Variants in MFRP observed in about 807,000 individuals in gnomAD.
MFRP encodes the protein C1q and TNF related 5.
MFRP carries 74 observed loss-of-function variants against 65.8 expected under a neutral mutation model. That is an observed-to-expected ratio of 1.12 (90% CI 0.93 to 1.36). The LOEUF is 1.36. Among genes scored for constraint, MFRP ranks in the 40% most tolerant of loss-of-function variants. The pLI is 0.00. For missense variants in MFRP, 838 were observed against 736.0 expected, an observed-to-expected ratio of 1.14 and a Z score of -1.60; for synonymous variants, 336 against 288.3, an observed-to-expected ratio of 1.17 and a Z score of -1.68.
At position 119,342,959 on chromosome 11, in the gene MFRP, T is replaced by C. The variant is rs529813598; in HGVS notation, c.1169A>G (p.His390Arg). 13 of 1,611,450 alleles carry C rather than the reference T, an allele frequency of 8.1e-6. No individual in the cohort carries two copies. Among genetic ancestry groups the C allele is most frequent in the Non-Finnish European group, 1.1e-5 (13 of 1,179,420 alleles). Residue 390 changes from histidine (H) to arginine (R), a missense_variant, in exon 10 of 15, where the codon CAT (histidine) becomes CGT (arginine). Coordinates refer to ENST00000619721, the MANE Select transcript of MFRP (RefSeq NM_031433.4). Reference sequence around the variant, plus strand: ...TGTCCTAAACAGCACAGCCAGCTCATGGTGCGAGGAGACGAGGTGGGGGGG... The same window carrying C: ...TGTCCTAAACAGCACAGCCAGCTCACGGTGCGAGGAGACGAGGTGGGGGGG... ...EPPPHLVSSH[H>R]ELAVLFRTDH...
chr11:119,341,375 GAGGGTGGT>G lies in MFRP; in HGVS notation c.*165_*172del. ...CGGTAAAGGGACAGGAAGGAGCAGG[GAGGGTGGT>G]AGGGTCCCATGAGCCCCAGCTGAGG... is the stretch of plus-strand genomic sequence containing the variant. On this transcript the variant is annotated 3_prime_UTR_variant, in exon 13 of 15. Coordinates refer to ENST00000619721, the MANE Select transcript of MFRP (RefSeq NM_031433.4). The G allele has an allele frequency of 1.6e-6, 1 of 615,986 alleles. No individual in the cohort carries two copies. The allele number at this position is 615,986 out of a possible 1,614,324, so 38.2% of individuals were successfully genotyped here. A position where few individuals can be genotyped will look rare whatever the true frequency, so the allele number is the denominator to read the frequency against.
In MFRP at chr11:119,339,223, C is replaced by T. The variant is rs1950470134; in HGVS notation, c.*1736G>A. On this transcript the variant is annotated 3_prime_UTR_variant, in exon 15 of 15. Transcript: ENST00000619721. This position sits in a 1 kb window ranked among gnomAD's most constrained non-coding sequence, Gnocchi z 5.4. Reference sequence around the variant, plus strand: ...ACGGAGAGTGCTCTACCCCACCTCCCTAGTCATTCACAATATTCCAGGGGG... The same window carrying T: ...ACGGAGAGTGCTCTACCCCACCTCCTTAGTCATTCACAATATTCCAGGGGG... 2.3e-6 allele frequency: 3 copies of T among 1,285,446 alleles called. No homozygotes were observed. Among genetic ancestry groups the T allele is most frequent in the Non-Finnish European group, 3.2e-6 (3 of 926,446 alleles). The allele number at this position is 1,285,446 out of a possible 1,614,324, so 79.6% of individuals were successfully genotyped here. A position where few individuals can be genotyped will look rare whatever the true frequency, so the allele number is the denominator to read the frequency against.
At position 119,346,148 on chromosome 11, in the gene MFRP, G is replaced by A. The variant is rs1422497202; in HGVS notation, c.169C>T (p.Arg57Ter). Residue 57 changes from arginine to a stop codon, truncating the protein, a stop_gained, in exon 3 of 15, where the codon CGA becomes TGA. Coordinates refer to ENST00000619721, the MANE Select transcript of MFRP (RefSeq NM_031433.4). LOFTEE classifies it high-confidence loss of function. ...VPAPWHGRRP[R>*]GLRPDCRFSW... ...AAGCGGCAGTCTGGCCGTAGCCCTC[G>A]AGGACGCCGACCTGCGGGTTGGCAG... 32 of 1,593,618 alleles carry A rather than the reference G, an allele frequency of 2.0e-5. No homozygotes were observed. The highest frequency in any genetic ancestry group is 2.6e-5 in the Non-Finnish European group (30 of 1,169,852).
chr11:119,342,953 A>T lies in MFRP; in HGVS notation c.1175T>A (p.Leu392Gln). 1 of 1,612,148 alleles carries T rather than the reference A, an allele frequency of 6.2e-7. No individual in the cohort carries two copies. The highest frequency in any genetic ancestry group is 8.5e-7 in the Non-Finnish European group (1 of 1,179,636). Residue 392 changes from leucine to glutamine, a missense_variant, in exon 10 of 15, where the codon CTG (leucine) becomes CAG (glutamine). Physicochemically the swap from Leu to Gln is moderately radical, Grantham distance 113. Transcript: ENST00000619721. ...PPHLVSSHHE[L>Q]AVLFRTDHGI... ...ATGATCTGTCCTAAACAGCACAGCC[A>T]GCTCATGGTGCGAGGAGACGAGGTG... is the stretch of plus-strand genomic sequence containing the variant.
At position 119,346,517 on chromosome 11, in the gene MFRP, A is replaced by C; in HGVS notation, c.-4T>G. On this transcript the variant is annotated 5_prime_UTR_variant, in exon 1 of 15. Coordinates refer to ENST00000619721, the MANE Select transcript of MFRP (RefSeq NM_031433.4). The stretch of plus-strand genomic sequence containing the variant: ...TGACATCTGAGAAGTCCTTCATGGC[A>C]CAAGGCTCTGCATGGCTTTCTGGAG... 6.2e-7 allele frequency: 1 copy of C among 1,614,014 alleles called. No homozygotes were observed. The highest frequency in any genetic ancestry group is 2.2e-5 in the East Asian group (1 of 44,884).
intron 9 of MFRP, 137 bp downstream of exon 9, chr11:119,343,679 G>A (rs762637315): frequency 1.3e-5 from 14 of 1,074,872 alleles, no homozygotes; most frequent in African/African-American, 3.1e-5. Context: ...TCTTTAGGGT[G>A]ATGGTGAAGA....
rs1218737800 is a variant in MFRP, at chr11:119,346,064, C to T, written c.253G>A (p.Val85Met). Residue 85 changes from valine (V) to methionine (M), a missense_variant, in exon 3 of 15, where the codon GTG becomes ATG. By Grantham distance (21) the Val-to-Met change is conservative. Transcript: ENST00000619721. ...TACTTACGGGCCAGGATGATGGCCA[C>T]CAGCAGCCCAAGCAGCAGGAGGAGC... Reference protein sequence around the residue: ...SLLLLLLGLLVAIILAQLQAA... With the variant: ...SLLLLLLGLLMAIILAQLQAA... The T allele has an allele frequency of 5.0e-6, 8 of 1,610,394 alleles. No individual in the cohort carries two copies. Among genetic ancestry groups the T allele is most frequent in the Middle Eastern group, 1.6e-4 (1 of 6,080 alleles).
chr11:119,346,544 C>T lies in MFRP; in HGVS notation c.-31G>A, dbSNP rs883247. The T allele has an allele frequency of 0.59, 945,204 of 1,611,446 alleles. 278,721 individuals are homozygous for T. Among genetic ancestry groups the T allele is most frequent in the East Asian group, 0.74 (33,000 of 44,842 alleles). On this transcript the variant is annotated 5_prime_UTR_variant, in exon 1 of 15. Transcript: ENST00000619721. The stretch of plus-strand genomic sequence containing the variant: ...AAGGCTCTGCATGGCTTTCTGGAGT[C>T]CCTGTGACAGCCCAAGACCCCCAAG...
intron 7 of MFRP, 102 bp from the exon 8 acceptor site, chr11:119,344,493 G>T: frequency 2.6e-6 from 4 of 1,568,562 alleles, no homozygotes; most frequent in Non-Finnish European, 2.6e-6. Context: ...ATGCCCATGG[G>T]AAACAAGTTC....
rs199608492 is a variant in MFRP at position 119,342,756 on chromosome 11, C to T, written c.1256-29G>A. 166 of 1,613,218 alleles carry T rather than the reference C, an allele frequency of 1.0e-4. 1 individual carries two copies. Among genetic ancestry groups the T allele is most frequent in the Middle Eastern group, 1.6e-4 (1 of 6,084 alleles). On this transcript the variant is annotated intron_variant, in intron 10 of 14. Transcript: ENST00000619721. ...CAGGCACAAGGGGCATGGCAGTGCCCGGGGACATACCTACACCCCCAGTAC... is the reference window on the plus strand; with the variant it reads ...CAGGCACAAGGGGCATGGCAGTGCCTGGGGACATACCTACACCCCCAGTAC...
Position 119,339,806 on chromosome 11 carries a change from G to A in MFRP, c.*1153C>T, listed in dbSNP as rs763677281. The A allele has an allele frequency of 2.6e-6, 4 of 1,523,184 alleles. No individual in the cohort carries two copies. The highest frequency in any genetic ancestry group is 4.1e-5 in the Admixed American group (2 of 49,318). 94.4% of individuals were successfully genotyped at this position (1,523,184 alleles called of 1,614,324 possible). On this transcript the variant is annotated 3_prime_UTR_variant, in exon 15 of 15. Coordinates refer to ENST00000619721, the MANE Select transcript of MFRP (RefSeq NM_031433.4). The surrounding 1 kb of genome is among the most constrained non-coding windows in gnomAD (Gnocchi z 5.4). ...AGGCCCGGTGGGCCCCGCGGGTCCC[G>A]CCTCTCCTCGCGGCCCGGGGTCCCC...
chr11:119,345,807 C>G lies in MFRP; in HGVS notation c.393G>C (p.Gln131His). ...TSQAAGTPKGQQESGVSPSPQ... is the reference protein window; with the variant it reads ...TSQAAGTPKGHQESGVSPSPQ... ...GGGAGGGGCTCACGCCTGACTCCTGCTGCCCTTTAGGGGTCCCAGCTGCCT... is the reference window on the plus strand; with the variant it reads ...GGGAGGGGCTCACGCCTGACTCCTGGTGCCCTTTAGGGGTCCCAGCTGCCT... The change falls in exon 4 of 15, where the codon CAG becomes CAC. Residue 131 changes from glutamine to histidine, a missense_variant. Coordinates refer to ENST00000619721, the MANE Select transcript of MFRP (RefSeq NM_031433.4). The G allele has an allele frequency of 6.2e-7, 1 of 1,613,876 alleles. No individual in the cohort carries two copies.
At position 119,342,615 on chromosome 11, in the gene MFRP, G is replaced by A. The variant is rs1950513811; in HGVS notation, c.1368C>T (p.Gly456=). 6.2e-7 allele frequency: 1 copy of A among 1,613,302 alleles called. No homozygotes were observed. Among genetic ancestry groups the A allele is most frequent in the Admixed American group, 1.7e-5 (1 of 59,980 alleles). ...CTDGSDDNCS[G]PLFPPPELAC... Reference sequence around the variant, plus strand: ...TCTCACCTGGGGGTGGGAACAAGGGGCCGCTGCAGTTGTCATCGCTGCCAT... The same window carrying A: ...TCTCACCTGGGGGTGGGAACAAGGGACCGCTGCAGTTGTCATCGCTGCCAT... Residue 456 remains glycine, a synonymous_variant, in exon 11 of 15, where the codon GGC becomes GGT. Transcript: ENST00000619721.
intron 2 of MFRP, 26 bp downstream of exon 2, chr11:119,346,246 C>T: frequency 6.3e-7 from 1 of 1,592,308 alleles, no homozygotes; most frequent in Admixed American, 1.8e-5. Context: ...TCTGTCCTCC[C>T]CCAGGTCACC....
chr11:119,344,055 G>GCT, intron 8 of MFRP, 91 bp from the exon 9 acceptor site: 5 of 1,515,352 alleles, frequency 3.3e-6, no homozygotes, highest in Non-Finnish European at 4.5e-6. Flanking sequence ...ACTGCTGGCT[G>GCT]GGGGGATGGG....
At position 119,345,900 on chromosome 11, in the gene MFRP, C is replaced by T. The variant is rs370696881; in HGVS notation, c.300G>A (p.Ala100=). 48 of 1,613,556 alleles carry T rather than the reference C, an allele frequency of 3.0e-5. No homozygotes were observed. The highest frequency in any genetic ancestry group is 3.3e-4 in the Middle Eastern group (2 of 6,058). ...CTCCGGCAGGCAGTGGGCTATGGGACGCCCCAGATGGGGGTGCAGCCTGCA... is the reference window on the plus strand; with the variant it reads ...CTCCGGCAGGCAGTGGGCTATGGGATGCCCCAGATGGGGGTGCAGCCTGCA... The part of the protein sequence containing the change: ...AQLQAAPPSG[A]SHSPLPAGGL... Residue 100 remains alanine (A), a synonymous_variant, in exon 4 of 15, where the codon GCG becomes GCA. Transcript: ENST00000619721.
At chr11:119,342,179 C>T (rs1005563355) in intron 11 of MFRP, among the ~76,000 whole-genome samples, 195 bp from the exon 12 acceptor site, 9 of 152,200 alleles carry the variant, frequency 5.9e-5, no homozygotes, top group African/African-American at 2.2e-4. Context: ...GCTCCAGCAT[C>T]GCTTGCCAGC....
Position 119,339,110 on chromosome 11 carries a change from C to G in MFRP, c.*1849G>C, listed in dbSNP as rs1429438313. On this transcript the variant is annotated 3_prime_UTR_variant, in exon 15 of 15. Coordinates refer to ENST00000619721, the MANE Select transcript of MFRP (RefSeq NM_031433.4). The surrounding 1 kb of genome is among the most constrained non-coding windows in gnomAD (Gnocchi z 5.4). ...ACACTTGCCAGCACAGCACACTCCT[C>G]TGGTCTTGGGCAGAAATCCAGCCAC... is the stretch of plus-strand genomic sequence containing the variant. 1 of 595,394 alleles carries G rather than the reference C, an allele frequency of 1.7e-6. No individual in the cohort carries two copies. Among genetic ancestry groups the G allele is most frequent in the Non-Finnish European group, 2.9e-6 (1 of 340,970 alleles). 36.9% of individuals were successfully genotyped at this position (595,394 alleles called of 1,614,324 possible). A position where few individuals can be genotyped will look rare whatever the true frequency, so the allele number is the denominator to read the frequency against.
chr11:119,342,789 G>A (rs564824660), intron 10 of MFRP, 62 bp from the exon 11 acceptor site: 11 of 1,612,994 alleles, frequency 6.8e-6, no homozygotes, highest in Non-Finnish European at 6.8e-6. Context: ...TACCCCCAGA[G>A]TGTCCTGACC....
Sources: gnomAD v4.1 joint callset for allele counts (sites outside exome capture counted in the v4.1 genomes callset) on GRCh38, gnomAD v4.1.1 for gene constraint, Gnocchi (gnomAD v3.1) non-coding constraint, MANE v1.5 for transcripts, NCBI Gene and HGNC (gene_info 2026-07-23, HGNC 2026-07-21) for gene names.